The following TBC1D8B variants were observed in gnomAD, a reference collection of about 807,000 sequenced individuals.
TBC1D8B encodes RP11-321G1.1.
In TBC1D8B, 75 loss-of-function variants were observed where a neutral mutation model predicts 82.9. The ratio of observed to expected loss-of-function variants is 0.90; its 90% confidence interval spans 0.75 to 1.10. TBC1D8B has a LOEUF of 1.10. TBC1D8B is among the 50% of genes least tolerant of loss of function. The probability of loss-of-function intolerance (pLI) is 0.00; values close to 1 mark genes in which losing one functional copy is unlikely to be tolerated. For synonymous variants in TBC1D8B, 276 were observed against 276.8 expected (o/e 1.00, Z 0.03); for missense variants, 794 against 796.9 (o/e 1.00, Z 0.04).
At chrX:106,872,305 A>C (rs764262619) in intron 20 of TBC1D8B, among the ~76,000 whole-genome samples, 1 of 75,210 alleles carries the variant, frequency 1.3e-5, no homozygotes, top group Admixed American at 1.9e-4. Flanking sequence ...GGGTGACAAG[A>C]GCGAAACTCT....
rs752167963 is a variant in TBC1D8B at position 106,825,371 on chromosome X, G to GA, written c.828-653dup. On this transcript the variant is annotated intron_variant, in intron 5 of 20. Coordinates refer to ENST00000357242, the MANE Select transcript of TBC1D8B (RefSeq NM_017752.3). ...TTAATGCAATTGTTTCGTGTGCCTA[G>GA]AAAAAATTATACTATTTAAAGCAAT... 3.4e-4 allele frequency among the ~76,000 whole-genome samples: 38 copies of GA among 111,344 alleles called. No individual in the cohort carries two copies. The East Asian group carries it at 4.2e-3, about 12-fold the overall frequency.
chrX:106,836,349 C>A (rs1569452677), intron 7 of TBC1D8B, among the ~76,000 whole-genome samples: 1 of 111,393 alleles, frequency 9.0e-6, no homozygotes, highest in Admixed American at 9.5e-5. Flanking sequence ...ATGCTTGACA[C>A]ATGGGGATTA....
chrX:106,844,476 C>CATATAT (rs779296924), intron 10 of TBC1D8B, among the ~76,000 whole-genome samples: 6 of 100,595 alleles, frequency 6.0e-5, no homozygotes, highest in African/African-American at 2.2e-4. Context: ...TTATTTTTTC[C>CATATAT]ATATATATAT....
At chrX:106,863,266 T>C (rs1932791992) in intron 14 of TBC1D8B, among the ~76,000 whole-genome samples, 1 of 111,924 alleles carries the variant, frequency 8.9e-6, no homozygotes, top group African/African-American at 3.2e-5. Flanking sequence ...AGCCAGCAGA[T>C]AGCTTCTTGC....
Position 106,840,045 on chromosome X carries a change from C to T in TBC1D8B, c.1354-3C>T. ...AGTTGTTTTGATTTTTCTGTCATTA[C>T]AGTTGAAAGAAAAAATGAAGGAACA... On this transcript the variant is annotated splice_region_variant and splice_polypyrimidine_tract_variant and intron_variant, in intron 8 of 20. Transcript: ENST00000357242. 6.7e-6 allele frequency: 8 copies of T among 1,187,579 alleles called. No homozygotes were observed. Among genetic ancestry groups the T allele is most frequent in the Non-Finnish European group, 9.0e-6 (8 of 884,882 alleles).
intron 5 of TBC1D8B, 99 bp downstream of exon 5, chrX:106,823,565 G>C: frequency 1.0e-6 from 1 of 974,265 alleles, no homozygotes; most frequent in Non-Finnish European, 1.4e-6. Context: ...TATATTATAT[G>C]ATAGGGTTTT....
rs1931073651 is a variant in TBC1D8B, at chrX:106,802,961, G to A, written c.108G>A (p.Glu36=). ...TGCAGCGGCGTCGGGGCTACGGGGA[G>A]GAAGGCGGAGGGGGGCTCACAGGTA... ...FVLQRRRGYG[E]EGGGGLTGLL... The change falls in exon 1 of 21, where the codon GAG becomes GAA. Residue 36 remains glutamate, a synonymous_variant. Transcript: ENST00000357242. The A allele has an allele frequency of 1.7e-6, 2 of 1,208,478 alleles. No individual in the cohort carries two copies. Among genetic ancestry groups the A allele is most frequent in the East Asian group, 5.9e-5 (2 of 33,784 alleles).
At chrX:106,844,356 T>A (rs1932383784) in intron 10 of TBC1D8B, among the ~76,000 whole-genome samples, 1 of 109,170 alleles carries the variant, frequency 9.2e-6, no homozygotes, top group African/African-American at 3.3e-5. Context: ...GTAGATCATC[T>A]TTATCAGGTT....
In TBC1D8B at chrX:106,827,245, T is replaced by C. The variant is rs1931876577; in HGVS notation, c.1111T>C (p.Phe371Leu). ...ISIKGKTAFR[F>L]HEVKDFEQLV... Reference sequence around the variant, plus strand: ...CATCAAAGGAAAAACAGCTTTTCGCTTCCATGAAGTTAAAGACTTTGAACA... The same window carrying C: ...CATCAAAGGAAAAACAGCTTTTCGCCTCCATGAAGTTAAAGACTTTGAACA... Residue 371 changes from phenylalanine (F) to leucine (L), a missense_variant, in exon 7 of 21, where the codon TTC becomes CTC. Transcript: ENST00000357242. 1 of 1,211,234 alleles carries C rather than the reference T, an allele frequency of 8.3e-7. No homozygotes were observed. The highest frequency in any genetic ancestry group is 3.0e-5 in the East Asian group (1 of 33,807).
At position 106,802,904 on chromosome X, in the gene TBC1D8B, G is replaced by A; in HGVS notation, c.51G>A (p.Trp17Ter). 1 of 1,211,658 alleles carries A rather than the reference G, an allele frequency of 8.3e-7. No homozygotes were observed. The highest frequency in any genetic ancestry group is 1.1e-6 in the Non-Finnish European group (1 of 895,450). ...TTCTGAAAAATGCGCTGAAGCTGTG[G>A]CTGATGGAAAGGTCCAACGACTACT... ...EVLLKNALKL[W>*]LMERSNDYFV... The change falls in exon 1 of 21, where the codon TGG (tryptophan) becomes TGA (stop). Residue 17 changes from tryptophan (W) to a stop codon, truncating the protein, a stop_gained. Transcript: ENST00000357242. LOFTEE classifies it high-confidence loss of function.
In TBC1D8B at chrX:106,830,615, T is replaced by A. The variant is rs370114896; in HGVS notation, c.1203+3278T>A. ...ATACACCATGGAATACTATGCAGCC[T>A]TAAAAAATGATGAGTTCATGTCCTT... is the stretch of plus-strand genomic sequence containing the variant. On this transcript the variant is annotated intron_variant, in intron 7 of 20. Transcript: ENST00000357242. Among the ~76,000 whole-genome samples, 10 of 109,912 alleles carry A rather than the reference T, an allele frequency of 9.1e-5. No individual in the cohort carries two copies. The East Asian group carries it at 2.3e-3, about 25-fold the overall frequency.
chrX:106,848,258 G>A lies in TBC1D8B; in HGVS notation c.1792G>A (p.Val598Ile), dbSNP rs142118116. ...AGAAGCTTTTTGGCTTCTGGTTGCT[G>A]TATGTGAACGAATGTTGCCTGATTA... is the stretch of plus-strand genomic sequence containing the variant. ...EEEAFWLLVAVCERMLPDYFN... is the reference protein window; with the variant it reads ...EEEAFWLLVAICERMLPDYFN... Residue 598 changes from valine to isoleucine, a missense_variant, in exon 11 of 21, where the codon GTA (valine) becomes ATA (isoleucine). Val to Ile is a conservative substitution (Grantham distance 29, BLOSUM62 3). Coordinates refer to ENST00000357242, the MANE Select transcript of TBC1D8B (RefSeq NM_017752.3). 8 of 1,193,503 alleles carry A rather than the reference G, an allele frequency of 6.7e-6. No homozygotes were observed. The African/African-American group carries it at 1.4e-4, about 21-fold the overall frequency.
intron 15 of TBC1D8B, 74 bp downstream of exon 15, chrX:106,865,701 TTTTATC>T (rs1416994857): frequency 9.1e-7 from 1 of 1,100,275 alleles, no homozygotes; most frequent in Non-Finnish European, 1.2e-6. Flanking sequence ...TTCTAATTAT[TTTTATC>T]TTTATTTTAG....
At chrX:106,835,764 C>T (rs748850525) in intron 7 of TBC1D8B, among the ~76,000 whole-genome samples, 31 of 111,971 alleles carry the variant, frequency 2.8e-4, no homozygotes, top group Non-Finnish European at 4.9e-4. Context: ...CCAAGAAGTT[C>T]CTCATCTCCA....
chrX:106,835,786 C>T (rs968737047), intron 7 of TBC1D8B, among the ~76,000 whole-genome samples: 4 of 112,031 alleles, frequency 3.6e-5, no homozygotes, highest in Admixed American at 1.9e-4. Flanking sequence ...CTGAGACCAC[C>T]TCAACCTGGA....
At chrX:106,850,983 T>C (rs2147761643) in intron 12 of TBC1D8B, among the ~76,000 whole-genome samples, 1 of 111,971 alleles carries the variant, frequency 8.9e-6, no homozygotes, top group East Asian at 2.8e-4. Context: ...CTGAGCTGTG[T>C]GGTATTTGCC....
intron 7 of TBC1D8B, among the ~76,000 whole-genome samples, chrX:106,837,986 G>C (rs1465970206): frequency 2.7e-5 from 3 of 111,117 alleles, no homozygotes; most frequent in Non-Finnish European, 5.7e-5. Context: ...ATCCTCATAA[G>C]CAATTGGTAT....
intron 1 of TBC1D8B, among the ~76,000 whole-genome samples, chrX:106,809,745 G>A (rs199951868): frequency 9.1e-6 from 1 of 109,433 alleles, no homozygotes; most frequent in African/African-American, 3.3e-5. Context: ...TTAGCTGGGC[G>A]TGGTGGCACA....
rs1931748450 is a variant in TBC1D8B at position 106,823,335 on chromosome X, A to C, written c.696A>C (p.Ser232=). 2 of 1,208,759 alleles carry C rather than the reference A, an allele frequency of 1.7e-6. No individual in the cohort carries two copies. The highest frequency in any genetic ancestry group is 2.2e-6 in the Non-Finnish European group (2 of 894,481). ...VCSQGENHYF[S]MFLHINQTYL... ...CCCAAGGAGAGAATCACTACTTTTCAATGTTTTTGCACATTAACCAAACAT... is the reference window on the plus strand; with the variant it reads ...CCCAAGGAGAGAATCACTACTTTTCCATGTTTTTGCACATTAACCAAACAT... Residue 232 remains serine (S), a synonymous_variant, in exon 5 of 21, where the codon TCA becomes TCC. Coordinates refer to ENST00000357242, the MANE Select transcript of TBC1D8B (RefSeq NM_017752.3).
Sources: allele counts gnomAD v4.1 joint callset (sites outside exome capture counted in the v4.1 genomes callset), GRCh38; gene constraint gnomAD v4.1.1; transcripts MANE v1.5; gene names NCBI Gene and HGNC (gene_info 2026-07-23, HGNC 2026-07-21).